ZFHX3: variants seen among roughly 807,000 people sequenced by gnomAD.
ZFHX3 encodes zinc finger homeobox 3, also known as zinc finger homeobox protein 3.
ZFHX3 carries 42 observed loss-of-function variants against 279.1 expected under a neutral mutation model. The observed-to-expected ratio is 0.15, with a 90% CI of 0.12 to 0.19. The LOEUF (loss-of-function observed/expected upper bound fraction) is 0.19. ZFHX3 is among the 10% of genes least tolerant of loss of function. ZFHX3 has a pLI of 1.00. For missense variants in ZFHX3, 4,981 were observed against 4,754.0 expected (o/e 1.05, Z -1.40); for synonymous variants, 2,293 against 1,957.8 (o/e 1.17, Z -4.52).
intron 2 of ZFHX3, among the ~76,000 whole-genome samples, chr16:73,549,679 G>T (rs1220571074): frequency 1.3e-5 from 2 of 152,212 alleles, no homozygotes; most frequent in Non-Finnish European, 2.9e-5. Context: ...ATATGGTTTT[G>T]TCAAAATCCC....
chr16:73,467,648 T>G (rs1312526656), intron 2 of ZFHX3, among the ~76,000 whole-genome samples: 1 of 152,212 alleles, frequency 6.6e-6, no homozygotes, highest in Non-Finnish European at 1.5e-5. Flanking sequence ...GGGTATTCAC[T>G]GAAAAGTTTT....
chr16:73,686,612 T>C (rs2053087101), intron 1 of ZFHX3, among the ~76,000 whole-genome samples: 1 of 152,106 alleles, frequency 6.6e-6, no homozygotes, highest in South Asian at 2.1e-4. Flanking sequence ...GAGTCCATAA[T>C]TGTCTCAGCC....
At chr16:73,176,668 C>T (rs1395931518) in intron 5 of ZFHX3, among the ~76,000 whole-genome samples, 1 of 146,552 alleles carries the variant, frequency 6.8e-6, no homozygotes, top group African/African-American at 2.5e-5. Context: ...CTCTGGAAAT[C>T]ATTTCCCTTT....
chr16:73,034,095 G>A (rs1173664486), intron 1 of ZFHX3, among the ~76,000 whole-genome samples: 19 of 144,994 alleles, frequency 1.3e-4, no homozygotes, highest in Admixed American at 2.8e-4. Context: ...AAACTGTAAC[G>A]AACTTAAAAA....
At chr16:73,831,394 T>C (rs187635501) in intron 1 of ZFHX3, among the ~76,000 whole-genome samples, 47 of 152,266 alleles carry the variant, frequency 3.1e-4, no homozygotes, top group Non-Finnish European at 6.3e-4. Context: ...TGAGAGGTGC[T>C]AAATAAGTTA....
At chr16:73,410,494 A>C (rs1043794619) in intron 3 of ZFHX3, among the ~76,000 whole-genome samples, 2 of 152,262 alleles carry the variant, frequency 1.3e-5, no homozygotes, top group African/African-American at 4.8e-5. Flanking sequence ...GGCTAAATGC[A>C]TGAGGTGATG....
At chr16:73,657,463 T>A (rs1368673173) in intron 2 of ZFHX3, among the ~76,000 whole-genome samples, 15 of 151,980 alleles carry the variant, frequency 9.9e-5, no homozygotes, top group Admixed American at 9.8e-4. Context: ...ATCTCAAAAA[T>A]AAAATAAGTA....
At chr16:73,636,120 C>T (rs540862266) in intron 2 of ZFHX3, among the ~76,000 whole-genome samples, 1 of 152,274 alleles carries the variant, frequency 6.6e-6, no homozygotes, top group South Asian at 2.1e-4. Flanking sequence ...CAGATCTGCT[C>T]CTATAATTTC....
intron 5 of ZFHX3, among the ~76,000 whole-genome samples, chr16:73,190,657 C>A (rs1449943079): frequency 1.3e-5 from 2 of 152,298 alleles, no homozygotes; most frequent in East Asian, 3.9e-4. Context: ...GTCTCCATTT[C>A]CAGGGTGAGA....
chr16:73,654,372 A>G (rs1484708219), intron 2 of ZFHX3, among the ~76,000 whole-genome samples: 1 of 152,156 alleles, frequency 6.6e-6, no homozygotes, highest in Non-Finnish European at 1.5e-5. Context: ...TAGCTTCACC[A>G]GTGAGTTCTA....
chr16:72,802,924 A>G (rs1391398369), intron 7 of ZFHX3, among the ~76,000 whole-genome samples: 1 of 152,130 alleles, frequency 6.6e-6, no homozygotes, highest in African/African-American at 2.4e-5. Flanking sequence ...ACTTCCTTCA[A>G]CACTTGCCTT....
intron 3 of ZFHX3, among the ~76,000 whole-genome samples, chr16:73,443,495 G>A (rs1417774287): frequency 1.3e-5 from 2 of 152,124 alleles, no homozygotes; most frequent in South Asian, 2.1e-4. Context: ...ATCCCTTGGA[G>A]ATCCACGGTG....
intron 2 of ZFHX3, among the ~76,000 whole-genome samples, chr16:73,543,420 C>G (rs1431689357): frequency 6.6e-6 from 1 of 152,130 alleles, no homozygotes; most frequent in Non-Finnish European, 1.5e-5. Context: ...TCGGCCTGGT[C>G]CCCCCTTTCC....
At chr16:73,026,319 G>A (rs1399903595) in intron 1 of ZFHX3, among the ~76,000 whole-genome samples, 1 of 149,858 alleles carries the variant, frequency 6.7e-6, no homozygotes, top group Non-Finnish European at 1.5e-5. Context: ...GTTGCAGTGA[G>A]CCGAGATCAC....
intron 5 of ZFHX3, among the ~76,000 whole-genome samples, chr16:73,168,212 T>TTTCTTTCTTTCC (rs1967425698): frequency 1.7e-4 from 3 of 17,718 alleles, no homozygotes; most frequent in African/African-American, 7.4e-4. Flanking sequence ...TTTCTTTTGT[T>TTTCTTTCTTTCC]TTCTTTCTTT....
intron 2 of ZFHX3, among the ~76,000 whole-genome samples, chr16:73,656,917 T>C (rs1423259611): frequency 6.6e-6 from 1 of 152,248 alleles, no homozygotes; most frequent in Non-Finnish European, 1.5e-5. Flanking sequence ...TAAACTATTT[T>C]TCTTTTCTAG....
chr16:73,040,344 A>C (rs1965066156), intron 1 of ZFHX3, among the ~76,000 whole-genome samples: 1 of 152,070 alleles, frequency 6.6e-6, no homozygotes, highest in Admixed American at 6.5e-5. Context: ...GAGGCCGAGC[A>C]GGAGGGGGTA....
intron 3 of ZFHX3, among the ~76,000 whole-genome samples, chr16:72,917,364 G>A (rs898789682): frequency 3.3e-5 from 5 of 152,196 alleles, no homozygotes; most frequent in African/African-American, 1.2e-4. Context: ...TAAACTGGGG[G>A]AAAGGTAGAC....
chr16:73,541,511 A>AAAAATC (rs2143750126), intron 2 of ZFHX3, among the ~76,000 whole-genome samples: 1 of 152,196 alleles, frequency 6.6e-6, no homozygotes, highest in East Asian at 1.9e-4. Context: ...AAATAAAAAT[A>AAAAATC]AAACAGAAAA....
Sources: gnomAD v4.1 joint callset for allele counts (sites outside exome capture counted in the v4.1 genomes callset) on GRCh38, gnomAD v4.1.1 for gene constraint, MANE v1.5 for transcripts, NCBI Gene and HGNC (gene_info 2026-07-23, HGNC 2026-07-21) for gene names.